POLRMT: variants seen among roughly 807,000 people sequenced by gnomAD.
The protein encoded by POLRMT is DNA-directed RNA polymerase, mitochondrial.
A neutral mutation model predicts 132.2 loss-of-function variants in POLRMT; 114 were observed. The ratio of observed to expected loss-of-function variants is 0.86; its 90% CI spans 0.74 to 1.01. The LOEUF (loss-of-function observed/expected upper bound fraction) is 1.01. Among genes scored for constraint, POLRMT ranks in the 50% least tolerant of loss-of-function variants. The pLI is 0.00. For missense variants in POLRMT, 2,003 were observed against 1,729.1 expected, an observed-to-expected ratio of 1.16 and a Z score of -2.81; for synonymous variants, 1,020 against 773.4, an observed-to-expected ratio of 1.32 and a Z score of -5.29.
intron 17 of POLRMT, 185 bp from the exon 18 acceptor site, chr19:618,034 G>C (rs1000678728): frequency 1.6e-6 from 1 of 607,608 alleles, no homozygotes. Context: ...AGTACAGGGG[G>C]AGGAAATGTT....
Position 621,510 on chromosome 19 carries a change from C to G in POLRMT, c.2188G>C (p.Gly730Arg). 2 of 1,383,750 alleles carry G rather than the reference C, an allele frequency of 1.4e-6. No individual in the cohort carries two copies. The highest frequency in any genetic ancestry group is 1.9e-6 in the Non-Finnish European group (2 of 1,077,710). 85.7% of individuals were successfully genotyped at this position (1,383,750 alleles called of 1,614,324 possible). Residue 730 changes from glycine (G) to arginine (R), a missense_variant, in exon 10 of 21, where the codon GGC becomes CGC. Gly to Arg is a moderately radical substitution (Grantham distance 125, BLOSUM62 -2). Transcript: ENST00000588649. ...LFQAKGCPQL[G>R]VPAPPSEAPQ... ...GCCTCGGAGGGCGGGGCCGGCACGCCTAGCTGGGGGCAGCCCTTGGCCTGG... is the reference window on the plus strand; with the variant it reads ...GCCTCGGAGGGCGGGGCCGGCACGCGTAGCTGGGGGCAGCCCTTGGCCTGG...
intron 18 of POLRMT, 33 bp from the exon 19 acceptor site, chr19:617,688 TCAGG>T (rs769082897): frequency 3.8e-5 from 61 of 1,611,940 alleles, no homozygotes; most frequent in Non-Finnish European, 4.7e-5. Context: ...CCAGGGGTGA[TCAGG>T]CAGGCTCTGG....
chr19:618,732 G>T lies in POLRMT; in HGVS notation c.3296C>A (p.Thr1099Asn). 6.2e-7 allele frequency: 1 copy of T among 1,607,146 alleles called. No individual in the cohort carries two copies. Among genetic ancestry groups the T allele is most frequent in the Non-Finnish European group, 8.5e-7 (1 of 1,177,278 alleles). Residue 1099 changes from threonine to asparagine, a missense_variant, in exon 16 of 21, where the codon ACC becomes AAC. Transcript: ENST00000588649. ...GCTGATGTCTCCGTTGTGGGTGTAG[G>T]TGATGCTCTGAATTCCACCTCCTAT... ...KQIGGGIQSI[T>N]YTHNGDISRK...
At position 629,906 on chromosome 19, in the gene POLRMT, C is replaced by G. The variant is rs763414933; in HGVS notation, c.456G>C (p.Glu152Asp). The change falls in exon 3 of 21, where the codon GAG (glutamate) becomes GAC (aspartate). Residue 152 changes from glutamate (E) to aspartate (D), a missense_variant. Coordinates refer to ENST00000588649, the MANE Select transcript of POLRMT (RefSeq NM_005035.4). ...GCAGGCGCCTGGTCAGCGCCTTGAACTCCCCGCTCTGGAATGGCATCTGCA... is the reference window on the plus strand; with the variant it reads ...GCAGGCGCCTGGTCAGCGCCTTGAAGTCCCCGCTCTGGAATGGCATCTGCA... ...AKLQMPFQSG[E>D]FKALTRRLQV... 87 of 1,613,302 alleles carry G rather than the reference C, an allele frequency of 5.4e-5. No homozygotes were observed. The highest frequency in any genetic ancestry group is 7.2e-5 in the Non-Finnish European group (85 of 1,179,944).
intron 3 of POLRMT, among the ~76,000 whole-genome samples, chr19:626,922 C>T (rs1019951775): frequency 2.1e-5 from 3 of 141,546 alleles, no homozygotes; most frequent in Non-Finnish European, 4.6e-5. Flanking sequence ...TATAAAATAA[C>T]ATATATATAT....
At chr19:628,835 C>T (rs1985207164) in intron 3 of POLRMT, among the ~76,000 whole-genome samples, 1 of 152,026 alleles carries the variant, frequency 6.6e-6, no homozygotes, top group Admixed American at 6.6e-5. Flanking sequence ...AAACCCCCGT[C>T]TCTACTCAAA....
At position 629,473 on chromosome 19, in the gene POLRMT, T is replaced by C. The variant is rs140041046; in HGVS notation, c.822+67A>G. 2.1e-3 allele frequency: 3,035 copies of C among 1,418,014 alleles called. 60 individuals are homozygous for C. The African/African-American group carries it at 0.037, about 17-fold the overall frequency. 87.8% of individuals were successfully genotyped at this position (1,418,014 alleles called of 1,614,324 possible). A position where few individuals can be genotyped will look rare whatever the true frequency, so the allele number is the denominator to read the frequency against. ...TGGGGGCTAAGAGAGAAAAGTCCAG[T>C]CTAAATGAGGGCAAGTTCCTGTCTC... On this transcript the variant is annotated intron_variant, in intron 3 of 20. Transcript: ENST00000588649.
chr19:621,794 G>T lies in POLRMT; in HGVS notation c.1904C>A (p.Ala635Glu). ...CGCCTCGAAGGTCAGCGTGGGCTCC[G>T]CGGCCTTCTCCAGCAGCTGCACGTA... ...PAYVQLLEKA[A>E]EPTLTFEAVD... The change falls in exon 10 of 21, where the codon GCG (alanine) becomes GAG (glutamate). Residue 635 changes from alanine to glutamate, a missense_variant. Transcript: ENST00000588649. 6.2e-7 allele frequency: 1 copy of T among 1,602,370 alleles called. No individual in the cohort carries two copies.
chr19:622,908 T>C lies in POLRMT; in HGVS notation c.1368A>G (p.Leu456=). ...CRALRETKNR[L]EREVYEGRFS... is the part of the protein sequence containing the mutation. The stretch of plus-strand genomic sequence containing the variant: ...ACCGGCCCTCGTACACCTCGCGCTC[T>C]AGGCGGTTCTTGGTCTCCCGCAGCG... Residue 456 remains leucine (L), a synonymous_variant, in exon 7 of 21, where the codon CTA becomes CTG. Coordinates refer to ENST00000588649, the MANE Select transcript of POLRMT (RefSeq NM_005035.4). 3.7e-6 allele frequency: 6 copies of C among 1,612,740 alleles called. No homozygotes were observed. The highest frequency in any genetic ancestry group is 5.1e-6 in the Non-Finnish European group (6 of 1,179,838).
intron 17 of POLRMT, chr19:618,279 T>C (rs1984173879): frequency 1.8e-6 from 1 of 569,092 alleles, no homozygotes; most frequent in Non-Finnish European, 3.1e-6. Context: ...TGCTCGGCTC[T>C]CCCTGTCGGG....
intron 12 of POLRMT, 69 bp downstream of exon 12, chr19:619,888 CT>C: frequency 6.3e-7 from 1 of 1,591,056 alleles, no homozygotes; most frequent in Non-Finnish European, 8.5e-7. Flanking sequence ...GTGAGGGCAC[CT>C]GGGGCCGAGA....
intron 3 of POLRMT, among the ~76,000 whole-genome samples, chr19:627,929 A>AC (rs1985140406): frequency 2.0e-5 from 3 of 151,466 alleles, no homozygotes; most frequent in Admixed American, 6.6e-5. Flanking sequence ...TATCTCAAAA[A>AC]AAAAAAAAAA....
chr19:626,898 C>CACACACACACACACACACATAT (rs371959370), intron 3 of POLRMT, among the ~76,000 whole-genome samples: 4 of 146,702 alleles, frequency 2.7e-5, no homozygotes, highest in African/African-American at 1.0e-4. Context: ...CACACACACA[C>CACACACACACACACACACATAT]ATATATATAT....
intron 3 of POLRMT, among the ~76,000 whole-genome samples, chr19:628,649 G>C (rs1213945336): frequency 1.3e-5 from 2 of 152,204 alleles, no homozygotes; most frequent in African/African-American, 4.8e-5. Context: ...GAGAAAGCTG[G>C]GAACGTTTGC....
In POLRMT at chr19:617,316, G is replaced by C. The variant is rs772091626; in HGVS notation, c.3651C>G (p.Phe1217Leu). ...TLQAVPKPGA[F>L]DLEQVKRSTY... is the part of the protein sequence containing the mutation. ...TGGAACGCTTCACCTGCTCCAGGTC[G>C]AAGGCCCCTGCGGAGGAAGCAGAGC... Residue 1217 changes from phenylalanine (F) to leucine (L), a missense_variant, in exon 21 of 21, where the codon TTC (phenylalanine) becomes TTG (leucine). By Grantham distance (22) the Phe-to-Leu change is conservative. Transcript: ENST00000588649. 6.2e-7 allele frequency: 1 copy of C among 1,612,806 alleles called. No individual in the cohort carries two copies. The highest frequency in any genetic ancestry group is 1.3e-5 in the African/African-American group (1 of 74,932).
intron 14 of POLRMT, 33 bp downstream of exon 14, chr19:619,177 G>A: frequency 2.5e-6 from 4 of 1,610,438 alleles, no homozygotes; most frequent in South Asian, 2.2e-5. Flanking sequence ...TGCTTAGGGA[G>A]TCCTGGCCGA....
rs1984658690 is a variant in POLRMT at position 622,131 on chromosome 19, G to C, written c.1851+18C>G. ...CCCAGCGGGATGCCCCCCAGCTCAG[G>C]AGGGCACTGCCTGGCACCTGCTGGA... is the stretch of plus-strand genomic sequence containing the variant. On this transcript the variant is annotated intron_variant, in intron 9 of 20. Coordinates refer to ENST00000588649, the MANE Select transcript of POLRMT (RefSeq NM_005035.4). 1 of 1,529,932 alleles carries C rather than the reference G, an allele frequency of 6.5e-7. No homozygotes were observed. The highest frequency in any genetic ancestry group is 8.8e-7 in the Non-Finnish European group (1 of 1,138,830). The allele number at this position is 1,529,932 out of a possible 1,614,324, so 94.8% of individuals were successfully genotyped here. A position where few individuals can be genotyped will look rare whatever the true frequency, so the allele number is the denominator to read the frequency against.
rs138340355 is a variant in POLRMT at position 623,583 on chromosome 19, C to T, written c.1161G>A (p.Pro387=). The part of the protein sequence containing the change: ...VYAKDGRVSY[P]KLHLPLKTLQ... ...GGGTCTTCAAGGGCAGGTGCAGCTT[C>T]GGGTAGGACACACGCCCATCCTGCA... Residue 387 remains proline (P), a synonymous_variant, in exon 6 of 21, where the codon CCG becomes CCA. Transcript: ENST00000588649. 10 of 1,613,546 alleles carry T rather than the reference C, an allele frequency of 6.2e-6. No homozygotes were observed. In the African/African-American group the frequency reaches 6.7e-5, roughly 11 times the overall value.
intron 9 of POLRMT, 71 bp downstream of exon 9, chr19:622,078 G>A: frequency 7.2e-7 from 1 of 1,389,744 alleles, no homozygotes; most frequent in Non-Finnish European, 9.6e-7. Flanking sequence ...CCGCCCAAAG[G>A]CGCCAACCCC....
Sources: gnomAD v4.1 joint callset for allele counts (sites outside exome capture counted in the v4.1 genomes callset) on GRCh38, gnomAD v4.1.1 for gene constraint, MANE v1.5 for transcripts, NCBI Gene and HGNC (gene_info 2026-07-23, HGNC 2026-07-21) for gene names.